The following SLC9B2 variants were observed in gnomAD, a reference collection of about 807,000 sequenced individuals.
SLC9B2 encodes the protein sodium/hydrogen exchanger 9B2.
SLC9B2 carries 39 observed loss-of-function variants against 52.2 expected under a neutral mutation model. The observed-to-expected ratio is 0.75, with a 90% confidence interval of 0.58 to 0.98. The LOEUF is 0.98. Ranked by LOEUF, SLC9B2 falls within the 50% of genes least tolerant of loss-of-function variation. The pLI is 0.00. For synonymous variants in SLC9B2, 214 were observed against 227.0 expected (o/e 0.94, Z 0.51); for missense variants, 626 against 637.5 (o/e 0.98, Z 0.19).
intron 4 of SLC9B2, among the ~76,000 whole-genome samples, chr4:103,057,033 G>T (rs779566954): frequency 9.3e-5 from 14 of 150,940 alleles, no homozygotes; most frequent in African/African-American, 1.2e-4. Context: ...GATTTTTTTT[G>T]TTGTTGTTGT....
At chr4:103,039,375 A>G (rs1743435334) in intron 9 of SLC9B2, among the ~76,000 whole-genome samples, 1 of 152,204 alleles carries the variant, frequency 6.6e-6, no homozygotes, top group Admixed American at 6.5e-5. Flanking sequence ...GGGAAGTTAG[A>G]TAACTTGCAC....
chr4:103,019,580 T>G, downstream of SLC9B2: 1 of 985,210 alleles, frequency 1.0e-6, no homozygotes, highest in Non-Finnish European at 1.2e-6. Flanking sequence ...AGGGCGGCGT[T>G]AAGAAAAATG....
intron 10 of SLC9B2, among the ~76,000 whole-genome samples, chr4:103,031,466 G>C (rs983836031): frequency 2.0e-5 from 3 of 151,950 alleles, no homozygotes; most frequent in African/African-American, 7.2e-5. Flanking sequence ...TCATATACAA[G>C]GAACAATATT....
chr4:103,046,801 A>C (rs1463031190), intron 7 of SLC9B2, among the ~76,000 whole-genome samples: 1 of 151,728 alleles, frequency 6.6e-6, no homozygotes, highest in Non-Finnish European at 1.5e-5. Context: ...ACTGTTCTTT[A>C]AATCTTTCTA....
chr4:103,075,801 G>A (rs138759404), intron 1 of SLC9B2, among the ~76,000 whole-genome samples: 1 of 152,254 alleles, frequency 6.6e-6, no homozygotes, highest in Non-Finnish European at 1.5e-5. Flanking sequence ...AGCTGAACAC[G>A]TGAATGGACT....
Position 103,068,750 on chromosome 4 carries a change from T to C in SLC9B2, c.-42-1158A>G, listed in dbSNP as rs188414456. Among the ~76,000 whole-genome samples, 6 of 152,340 alleles carry C rather than the reference T, an allele frequency of 3.9e-5. No individual in the cohort carries two copies. The East Asian group carries it at 5.8e-4, about 15-fold the overall frequency. On this transcript the variant is annotated intron_variant, in intron 1 of 11. Coordinates refer to ENST00000394785, the MANE Select transcript of SLC9B2 (RefSeq NM_178833.7). The stretch of plus-strand genomic sequence containing the variant: ...GATAGAGGTACACACTACAAACTTG[T>C]GGTAGAATCAAAGAGAAAATTATGT...
intron 5 of SLC9B2, among the ~76,000 whole-genome samples, chr4:103,049,284 G>T (rs1052803376): frequency 6.6e-6 from 1 of 152,240 alleles, no homozygotes; most frequent in East Asian, 1.9e-4. Context: ...CAGGCTAAAG[G>T]CATTTGCCCA....
At chr4:103,064,048 A>G (rs974806933) in intron 3 of SLC9B2, among the ~76,000 whole-genome samples, 1 of 152,218 alleles carries the variant, frequency 6.6e-6, no homozygotes, top group South Asian at 2.1e-4. Context: ...TATTGGTGGG[A>G]ATGTAAATTA....
At chr4:103,047,374 A>T in intron 6 of SLC9B2, 148 bp from the exon 7 acceptor site, 1 of 741,216 alleles carries the variant, frequency 1.3e-6, no homozygotes, top group East Asian at 2.8e-5. Flanking sequence ...AACTTTAATA[A>T]GAATTGTTTT....
intron 4 of SLC9B2, among the ~76,000 whole-genome samples, chr4:103,050,804 G>A (rs1217015701): frequency 6.6e-6 from 1 of 152,168 alleles, no homozygotes; most frequent in Non-Finnish European, 1.5e-5. Flanking sequence ...CTTCAGATTA[G>A]ATAATTTCAT....
intron 9 of SLC9B2, 31 bp downstream of exon 9, chr4:103,043,265 C>G (rs745451805): frequency 1.3e-6 from 2 of 1,582,632 alleles, no homozygotes; most frequent in Non-Finnish European, 8.6e-7. Flanking sequence ...AGAAAAGAGT[C>G]ATGAGCAGAA....
chr4:103,046,705 TGTGAA>T (rs1291887874), intron 7 of SLC9B2, among the ~76,000 whole-genome samples: 162 of 152,164 alleles, frequency 1.1e-3, no homozygotes, highest in African/African-American at 3.8e-3. Context: ...ACATCTTTTG[TGTGAA>T]GTCTCCACAC....
chr4:103,054,595 G>A (rs545245051), intron 4 of SLC9B2, among the ~76,000 whole-genome samples: 1 of 152,274 alleles, frequency 6.6e-6, no homozygotes, highest in Non-Finnish European at 1.5e-5. Flanking sequence ...GAAGGACATA[G>A]ACAATATGTA....
intron 3 of SLC9B2, among the ~76,000 whole-genome samples, chr4:103,063,722 T>C (rs1745864368): frequency 6.6e-6 from 1 of 152,138 alleles, no homozygotes; most frequent in South Asian, 2.1e-4. Flanking sequence ...TAAAAAGCTT[T>C]TGCACAGTAA....
intron 1 of SLC9B2, among the ~76,000 whole-genome samples, chr4:103,071,511 A>AG (rs1437337466): frequency 6.6e-6 from 1 of 151,334 alleles, no homozygotes; most frequent in Non-Finnish European, 1.5e-5. Context: ...CAGCCTCCTG[A>AG]GGGACTACAG....
rs983209492 is a variant in SLC9B2 at position 103,058,100 on chromosome 4, T to C, written c.272-129A>G. 6 of 889,216 alleles carry C rather than the reference T, an allele frequency of 6.7e-6. No homozygotes were observed. The African/African-American group carries it at 1.0e-4, about 15-fold the overall frequency. 55.1% of individuals were successfully genotyped at this position (889,216 alleles called of 1,614,324 possible). ...AATATTTATAATCATGTTTAATCTG[T>C]AAAGAGTATCAGTAAGATGACCAAC... On this transcript the variant is annotated intron_variant, in intron 3 of 11. Coordinates refer to ENST00000394785, the MANE Select transcript of SLC9B2 (RefSeq NM_178833.7).
At chr4:103,073,723 A>G (rs1276732561) in intron 1 of SLC9B2, among the ~76,000 whole-genome samples, 2 of 152,238 alleles carry the variant, frequency 1.3e-5, no homozygotes. Flanking sequence ...AAGGGACCCA[A>G]TACTTGCTTT....
rs201735634 is a variant in SLC9B2, at chr4:103,067,444, T to C, written c.90+17A>G. ...AGAATATGAAGAAAACACAATTCTATCACAGCTTAGATTTACCTGTGCTTC... is the reference window on the plus strand; with the variant it reads ...AGAATATGAAGAAAACACAATTCTACCACAGCTTAGATTTACCTGTGCTTC... On this transcript the variant is annotated intron_variant, in intron 2 of 11. Transcript: ENST00000394785. The C allele has an allele frequency of 2.3e-5, 37 of 1,599,112 alleles. No individual in the cohort carries two copies. The Admixed American group carries it at 5.8e-4, about 25-fold the overall frequency.
Position 103,043,204 on chromosome 4 carries a change from T to G in SLC9B2, c.1146+92A>C, listed in dbSNP as rs1743784483. On this transcript the variant is annotated intron_variant, in intron 9 of 11. Coordinates refer to ENST00000394785, the MANE Select transcript of SLC9B2 (RefSeq NM_178833.7). ...TAAGATAGCTTTTATAATGAAATAC[T>G]TTATTAATTTGATGCTAAGAAAGTA... 2.1e-5 allele frequency: 28 copies of G among 1,307,284 alleles called. 1 individual carries two copies. The South Asian group carries it at 3.0e-4, about 14-fold the overall frequency. The allele number at this position is 1,307,284 out of a possible 1,614,324, so 81.0% of individuals were successfully genotyped here.
Sources: allele counts gnomAD v4.1 joint callset (sites outside exome capture counted in the v4.1 genomes callset), GRCh38; gene constraint gnomAD v4.1.1; transcripts MANE v1.5; gene names NCBI Gene and HGNC (gene_info 2026-07-23, HGNC 2026-07-21).